The following KCNAB2 variants were observed in gnomAD, a reference collection of about 807,000 sequenced individuals.
The protein encoded by KCNAB2 is potassium voltage-gated channel subfamily A regulatory beta subunit 2.
A neutral mutation model predicts 63.6 loss-of-function variants in KCNAB2; 29 were observed. The observed-to-expected ratio is 0.46, with a 90% CI of 0.34 to 0.62. KCNAB2 has a LOEUF of 0.62. Among genes scored for constraint, KCNAB2 ranks in the 20% least tolerant of loss-of-function variants. The probability of loss-of-function intolerance (pLI) is 0.01; values close to 1 mark genes in which losing one functional copy is unlikely to be tolerated. For synonymous variants in KCNAB2, 222 were observed against 224.2 expected, an observed-to-expected ratio of 0.99 and a Z score of 0.09; for missense variants, 359 against 563.9, an observed-to-expected ratio of 0.64 and a Z score of 3.68.
chr1:6,048,599 T>C (rs1030024221), intron 1 of KCNAB2, among the ~76,000 whole-genome samples: 4 of 152,244 alleles, frequency 2.6e-5, no homozygotes, highest in African/African-American at 9.6e-5. Context: ...GATTGCTTTT[T>C]GTGAGTAATG....
rs998210185 is a variant in KCNAB2, at chr1:6,046,139, C to T, written c.-71C>T. On this transcript the variant is annotated 5_prime_UTR_variant, in exon 1 of 16. Transcript: ENST00000378083. ...AGAGTGTCTGGTGATCCCTAATAAACCAGACTGTGGCCTTTTTAACGAGCA... is the reference window on the plus strand; with the variant it reads ...AGAGTGTCTGGTGATCCCTAATAAATCAGACTGTGGCCTTTTTAACGAGCA... The T allele has an allele frequency of 2.7e-5, 27 of 985,322 alleles. No homozygotes were observed. The highest frequency in any genetic ancestry group is 3.5e-5 in the African/African-American group (2 of 57,242). 61.0% of individuals were successfully genotyped at this position (985,322 alleles called of 1,614,324 possible). A position where few individuals can be genotyped will look rare whatever the true frequency, so the allele number is the denominator to read the frequency against.
At chr1:6,092,155 G>A (rs995876863) in intron 10 of KCNAB2, among the ~76,000 whole-genome samples, 25 of 152,348 alleles carry the variant, frequency 1.6e-4, no homozygotes, top group South Asian at 1.0e-3. Context: ...TCCTACTTCC[G>A]TTCAACCCCA....
rs34852966 is a variant in KCNAB2, at chr1:6,074,954, G to GAA, written c.300+1198_300+1199dup. Among the ~76,000 whole-genome samples the GAA allele has an allele frequency of 1.1e-3, 150 of 136,042 alleles. No homozygotes were observed. The highest frequency in any genetic ancestry group is 3.1e-3 in the African/African-American group (116 of 37,042). 89.2% of individuals were successfully genotyped at this position (136,042 alleles called of 152,430 possible). Reference sequence around the variant, plus strand: ...AGGCCGTAGAGTAAGACTCTGTCTCGAAAAAAAAAAAAAAAGACAATAGCT... The same window carrying GAA: ...AGGCCGTAGAGTAAGACTCTGTCTCGAAAAAAAAAAAAAAAAAGACAATAGCT... On this transcript the variant is annotated intron_variant, in intron 4 of 15. Coordinates refer to ENST00000378083, the MANE Select transcript of KCNAB2 (RefSeq NM_001199862.2). The surrounding 1 kb of genome is among the most constrained non-coding windows in gnomAD (Gnocchi z 4.9).
intron 4 of KCNAB2, among the ~76,000 whole-genome samples, chr1:6,080,528 C>T (rs1664108647): frequency 6.6e-6 from 1 of 152,216 alleles, no homozygotes; most frequent in African/African-American, 2.4e-5. Context: ...GCCTCCACCC[C>T]CGGGCTTCCT....
At chr1:6,057,216 C>G (rs1266045307) in intron 2 of KCNAB2, among the ~76,000 whole-genome samples, 1 of 151,700 alleles carries the variant, frequency 6.6e-6, no homozygotes, top group African/African-American at 2.4e-5. Flanking sequence ...GGCACTGACC[C>G]TTGGTCATGA....
chr1:6,084,430 C>T (rs914810199), intron 5 of KCNAB2, among the ~76,000 whole-genome samples: 2 of 152,246 alleles, frequency 1.3e-5, no homozygotes, highest in African/African-American at 4.8e-5. Context: ...CACAAGCATG[C>T]ACAGATCTGC....
chr1:6,077,476 T>C (rs772060524), intron 4 of KCNAB2, among the ~76,000 whole-genome samples: 63 of 152,286 alleles, frequency 4.1e-4, no homozygotes, highest in Admixed American at 2.1e-3. Context: ...AATTGTATGG[T>C]GGCTTCGTTT....
chr1:6,046,717 C>G (rs1231902412), intron 1 of KCNAB2, among the ~76,000 whole-genome samples: 1 of 152,174 alleles, frequency 6.6e-6, no homozygotes, highest in African/African-American at 2.4e-5. Context: ...TAGAGCCGCA[C>G]CCCGGAATGG....
At position 6,086,681 on chromosome 1, in the gene KCNAB2, T is replaced by C. The variant is rs1664725694; in HGVS notation, c.426-786T>C. ...CCCCATCCCACCAGGACAAAGCCAC[T>C]GGTATGGGCATTTGTCTCGTGTGGA... On this transcript the variant is annotated intron_variant, in intron 6 of 15. Transcript: ENST00000378083. This position sits in a 1 kb window ranked among gnomAD's most constrained non-coding sequence, Gnocchi z 4.2. Among the ~76,000 whole-genome samples, 1 of 152,138 alleles carries C rather than the reference T, an allele frequency of 6.6e-6. No individual in the cohort carries two copies. Among genetic ancestry groups the C allele is most frequent in the South Asian group, 2.1e-4 (1 of 4,830 alleles).
intron 15 of KCNAB2, 41 bp downstream of exon 15, chr1:6,097,398 G>T (rs1304944948): frequency 5.2e-6 from 8 of 1,549,204 alleles, no homozygotes; most frequent in Non-Finnish European, 7.0e-6. Flanking sequence ...GCCCATCCCA[G>T]CCCGAGCCCC....
chr1:6,060,087 C>T (rs1461353016), intron 2 of KCNAB2, among the ~76,000 whole-genome samples: 1 of 152,220 alleles, frequency 6.6e-6, no homozygotes, highest in East Asian at 1.9e-4. Flanking sequence ...CTGGCAAGGC[C>T]AGTGAGTCAC....
At chr1:6,013,360 C>G (rs1484226397) in intron 1 of KCNAB2, among the ~76,000 whole-genome samples, 2 of 152,106 alleles carry the variant, frequency 1.3e-5, no homozygotes, top group Non-Finnish European at 2.9e-5. Context: ...GGAGCAGCCT[C>G]TCCGAAGAGA....
chr1:6,058,296 A>G (rs79768395), intron 2 of KCNAB2, among the ~76,000 whole-genome samples: 1 of 152,208 alleles, frequency 6.6e-6, no homozygotes, highest in Non-Finnish European at 1.5e-5. Context: ...TAGGATCTCA[A>G]CTGTCTTTTG....
rs1327946192 is a variant in KCNAB2, at chr1:6,086,562, G to A, written c.426-905G>A. Reference sequence around the variant, plus strand: ...GGTGGGAAAGAAGCTCAGCCATGGGGCACCAGGAGGTCATTGTCACCCCCT... The same window carrying A: ...GGTGGGAAAGAAGCTCAGCCATGGGACACCAGGAGGTCATTGTCACCCCCT... On this transcript the variant is annotated intron_variant, in intron 6 of 15. Transcript: ENST00000378083. The surrounding 1 kb of genome is among the most constrained non-coding windows in gnomAD (Gnocchi z 4.2). Among the ~76,000 whole-genome samples, 1 of 152,106 alleles carries A rather than the reference G, an allele frequency of 6.6e-6. No individual in the cohort carries two copies. Among genetic ancestry groups the A allele is most frequent in the Non-Finnish European group, 1.5e-5 (1 of 68,006 alleles).
Position 6,003,858 on chromosome 1 carries a change from G to A in KCNAB2, c.-53+11070G>A, listed in dbSNP as rs1003129324. On this transcript the variant is annotated intron_variant, in intron 1 of 16. Transcript: ENST00000341524. The surrounding 1 kb of genome is among the most constrained non-coding windows in gnomAD (Gnocchi z 4.1). The stretch of plus-strand genomic sequence containing the variant: ...TGGCTGGCCCCAGCTTGCAGCGGTC[G>A]CTTCTGCATCTCTTTTTATTCAGCG... Among the ~76,000 whole-genome samples the A allele has an allele frequency of 3.3e-5, 5 of 152,198 alleles. No homozygotes were observed. Among genetic ancestry groups the A allele is most frequent in the Admixed American group, 6.5e-5 (1 of 15,280 alleles).
In KCNAB2 at chr1:6,071,489, G is replaced by A. The variant is rs979654588; in HGVS notation, c.219-1266G>A. Among the ~76,000 whole-genome samples the A allele has an allele frequency of 2.0e-5, 3 of 152,230 alleles. No individual in the cohort carries two copies. The highest frequency in any genetic ancestry group is 4.8e-5 in the African/African-American group (2 of 41,472). ...TCACCATCTGGGCAGATCACGCCCT[G>A]CTTAACAGGCTGGGGTGTGGGATGC... On this transcript the variant is annotated intron_variant, in intron 2 of 15. Transcript: ENST00000378083. This position sits in a 1 kb window ranked among gnomAD's most constrained non-coding sequence, Gnocchi z 8.5.
chr1:6,007,127 A>G (rs1657844849), intron 1 of KCNAB2, among the ~76,000 whole-genome samples: 1 of 152,120 alleles, frequency 6.6e-6, no homozygotes, highest in South Asian at 2.1e-4. Context: ...AGAGACTCAT[A>G]TCAGCCAGGC....
intron 1 of KCNAB2, among the ~76,000 whole-genome samples, chr1:6,051,085 C>T (rs1333697109): frequency 7.2e-5 from 11 of 152,228 alleles, no homozygotes; most frequent in African/African-American, 2.7e-4. Context: ...CAGTTTTACC[C>T]TGGGAACCAC....
chr1:6,016,296 T>C (rs1424824188), intron 1 of KCNAB2, among the ~76,000 whole-genome samples: 1 of 152,166 alleles, frequency 6.6e-6, no homozygotes, highest in Non-Finnish European at 1.5e-5. Context: ...TGGGTGGGAC[T>C]CCACAGGCCA....
Sources: allele counts gnomAD v4.1 joint callset (sites outside exome capture counted in the v4.1 genomes callset), GRCh38; gene constraint gnomAD v4.1.1; non-coding constraint Gnocchi (gnomAD v3.1); transcripts MANE v1.5; gene names NCBI Gene and HGNC (gene_info 2026-07-23, HGNC 2026-07-21).